Variants in CLDN10 observed in about 807,000 individuals in gnomAD.
The protein encoded by CLDN10 is claudin-10.
A neutral mutation model predicts 22.9 loss-of-function variants in CLDN10; 15 were observed. That is an observed-to-expected ratio of 0.65 (90% confidence interval 0.44 to 1.01). The LOEUF (loss-of-function observed/expected upper bound fraction) is 1.01. Among genes scored for constraint, CLDN10 ranks in the 50% least tolerant of loss-of-function variants. The probability of loss-of-function intolerance (pLI) is 0.00; values close to 1 mark genes in which losing one functional copy is unlikely to be tolerated. For synonymous variants in CLDN10, 114 were observed against 111.4 expected, an observed-to-expected ratio of 1.02 and a Z score of -0.15; for missense variants, 247 against 287.8, an observed-to-expected ratio of 0.86 and a Z score of 1.03.
At chr13:95,544,334 T>G (rs2043487272) in intron 1 of CLDN10, among the ~76,000 whole-genome samples, 1 of 152,118 alleles carries the variant, frequency 6.6e-6, no homozygotes, top group South Asian at 2.1e-4. Flanking sequence ...GTGTTTTGAT[T>G]GGAAATAAAA....
intron 1 of CLDN10, among the ~76,000 whole-genome samples, chr13:95,501,672 G>A (rs1328574189): frequency 6.6e-6 from 1 of 152,026 alleles, no homozygotes; most frequent in Non-Finnish European, 1.5e-5. Context: ...TATATTGCAA[G>A]TGCATTCTTT....
intron 1 of CLDN10, among the ~76,000 whole-genome samples, chr13:95,470,778 C>G (rs1193186051): frequency 6.6e-6 from 1 of 152,140 alleles, no homozygotes; most frequent in Non-Finnish European, 1.5e-5. Context: ...GTCTCTGTTA[C>G]TGATACCCCC....
chr13:95,531,941 G>A (rs1296702906), intron 1 of CLDN10, among the ~76,000 whole-genome samples: 1 of 152,110 alleles, frequency 6.6e-6, no homozygotes, highest in Non-Finnish European at 1.5e-5. Flanking sequence ...AACAAATGGT[G>A]CTAAAGTAGC....
At chr13:95,441,807 G>T (rs1167130027) in intron 1 of CLDN10, among the ~76,000 whole-genome samples, 1 of 152,168 alleles carries the variant, frequency 6.6e-6, no homozygotes, top group East Asian at 1.9e-4. Context: ...TTACTAAAGG[G>T]TCTTAATCCC....
rs187729184 is a variant in CLDN10 at position 95,461,355 on chromosome 13, T to C, written c.214+27308T>C. ...ATTGCTCTTTGATTTCTATCCCTCA[T>C]AATGGAGTCATTCAGGAGAGGAAAG... On this transcript the variant is annotated intron_variant, in intron 1 of 4. Coordinates refer to the CLDN10 transcript ENST00000376873. 1.2e-4 allele frequency among the ~76,000 whole-genome samples: 19 copies of C among 152,318 alleles called. No homozygotes were observed. In the East Asian group the frequency reaches 2.5e-3, roughly 20 times the overall value.
intron 3 of CLDN10, among the ~76,000 whole-genome samples, chr13:95,574,069 T>G (rs1167558259): frequency 6.6e-6 from 1 of 152,186 alleles, no homozygotes; most frequent in Non-Finnish European, 1.5e-5. Context: ...TTTATGGCTG[T>G]ATAGTATTCC....
chr13:95,558,382 T>C (rs771245979), intron 1 of CLDN10, among the ~76,000 whole-genome samples: 2 of 152,220 alleles, frequency 1.3e-5, no homozygotes, highest in Non-Finnish European at 2.9e-5. Context: ...ATGATTGCTA[T>C]GAAAGAAGCC....
rs1337500096 is a variant in CLDN10, at chr13:95,552,973, G to T, written c.220G>T (p.Gly74Cys). 5 of 1,613,518 alleles carry T rather than the reference G, an allele frequency of 3.1e-6. No homozygotes were observed. Among genetic ancestry groups the T allele is most frequent in the African/African-American group, 1.3e-5 (1 of 74,918 alleles). ...KDFPSMLALD[G>C]YIQACRGLMI... is the part of the protein sequence containing the mutation. ...CTTCCCCTCCATGCTGGCGCTGGAC[G>T]GTCTGCATCCCCGCGGCCCCCGCCC... The change falls in exon 1 of 5, where the codon GGT becomes TGT. Residue 74 changes from glycine (G) to cysteine (C), a missense_variant and splice_region_variant. Transcript: ENST00000299339.
chr13:95,471,455 T>TATATATATATA (rs1566287029), intron 1 of CLDN10, among the ~76,000 whole-genome samples: 2 of 71,476 alleles, frequency 2.8e-5, no homozygotes, highest in African/African-American at 1.3e-4. Context: ...ATATATATAT[T>TATATATATATA]TTTTTTTTTT....
At chr13:95,437,686 G>A (rs2042285539) in intron 1 of CLDN10, among the ~76,000 whole-genome samples, 1 of 152,172 alleles carries the variant, frequency 6.6e-6, no homozygotes. Flanking sequence ...CGCGATGAGG[G>A]CAAAATTGTA....
At chr13:95,549,626 C>T (rs1329759308), upstream of CLDN10, among the ~76,000 whole-genome samples, 1 of 152,158 alleles carries the variant, frequency 6.6e-6, no homozygotes, top group Non-Finnish European at 1.5e-5. Flanking sequence ...AGAAAGTTAA[C>T]ATTTTTCATT....
chr13:95,433,966 C>G, exon 1 of CLDN10: 1 of 1,614,230 alleles, frequency 6.2e-7, no homozygotes, highest in Admixed American at 1.7e-5. Flanking sequence ...TTGGGTTTAC[C>G]AGGGTCTGTG....
At chr13:95,552,390 G>T (rs2043575570), upstream of CLDN10, among the ~76,000 whole-genome samples, 1 of 152,196 alleles carries the variant, frequency 6.6e-6, no homozygotes, top group African/African-American at 2.4e-5. Context: ...GTGGTGAGGT[G>T]GGGGCGCAGC....
chr13:95,482,192 T>C (rs1164649276), intron 1 of CLDN10, among the ~76,000 whole-genome samples: 1 of 152,154 alleles, frequency 6.6e-6, no homozygotes, highest in Non-Finnish European at 1.5e-5. Flanking sequence ...ATGTACCCCA[T>C]AAATATATAC....
intron 1 of CLDN10, among the ~76,000 whole-genome samples, chr13:95,486,912 T>TAA (rs2042811014): frequency 6.6e-6 from 1 of 152,178 alleles, no homozygotes; most frequent in Non-Finnish European, 1.5e-5. Context: ...ATGGAAAATT[T>TAA]AAAGAAATAA....
intron 1 of CLDN10, among the ~76,000 whole-genome samples, chr13:95,480,425 A>G (rs2042733308): frequency 6.6e-6 from 1 of 152,230 alleles, no homozygotes; most frequent in African/African-American, 2.4e-5. Flanking sequence ...GCTCACACCC[A>G]GAGCTGGGCT....
chr13:95,535,796 G>A (rs1350060087), intron 1 of CLDN10, among the ~76,000 whole-genome samples: 1 of 152,172 alleles, frequency 6.6e-6, no homozygotes, highest in Non-Finnish European at 1.5e-5. Context: ...AGCCCATGAG[G>A]AGACATGGAG....
chr13:95,510,278 G>A (rs2043082702), intron 1 of CLDN10, among the ~76,000 whole-genome samples: 1 of 152,170 alleles, frequency 6.6e-6, no homozygotes, highest in African/African-American at 2.4e-5. Flanking sequence ...GGCCAATCTT[G>A]CAATTCTCCC....
At chr13:95,504,919 T>C (rs1432252669) in intron 1 of CLDN10, among the ~76,000 whole-genome samples, 2 of 152,206 alleles carry the variant, frequency 1.3e-5, no homozygotes, top group African/African-American at 4.8e-5. Flanking sequence ...TTCTCACTAA[T>C]TTCAAGAAGT....
Sources: gnomAD v4.1 joint callset for allele counts (sites outside exome capture counted in the v4.1 genomes callset) on GRCh38, gnomAD v4.1.1 for gene constraint, MANE v1.5 for transcripts, NCBI Gene and HGNC (gene_info 2026-07-23, HGNC 2026-07-21) for gene names.